Variants in NDUFAF6 observed in about 807,000 individuals in gnomAD.
NDUFAF6 encodes NADH dehydrogenase (ubiquinone) complex I, assembly factor 6.
A neutral mutation model predicts 40.8 loss-of-function variants in NDUFAF6; 45 were observed. The observed-to-expected ratio is 1.10, with a 90% CI of 0.87 to 1.42. The LOEUF (loss-of-function observed/expected upper bound fraction) is 1.42, where lower values mean the gene tolerates loss of function less well. Ranked by LOEUF, NDUFAF6 falls within the 40% of genes most tolerant of loss-of-function variation. NDUFAF6 has a pLI of 0.00. For synonymous variants in NDUFAF6, 185 were observed against 155.9 expected (o/e 1.19, Z -1.39); for missense variants, 435 against 418.5 (o/e 1.04, Z -0.34).
chr8:95,038,880 A>G (rs1829817621), intron 3 of NDUFAF6, among the ~76,000 whole-genome samples: 1 of 150,874 alleles, frequency 6.6e-6, no homozygotes, highest in South Asian at 2.1e-4. Flanking sequence ...GTTGTTGGCC[A>G]GGATGGTCTC....
chr8:95,010,101 T>A (rs1249487278), intron 2 of NDUFAF6, among the ~76,000 whole-genome samples: 1 of 152,170 alleles, frequency 6.6e-6, no homozygotes, highest in Non-Finnish European at 1.5e-5. Flanking sequence ...TTGTACTTTT[T>A]TTTTTGAGAT....
intron 2 of NDUFAF6, among the ~76,000 whole-genome samples, chr8:95,089,274 G>A (rs529552459): frequency 6.6e-6 from 1 of 151,908 alleles, no homozygotes; most frequent in Non-Finnish European, 1.5e-5. Context: ...TGCCCAGGCT[G>A]GTCTTGAACT....
chr8:94,908,136 C>T (rs1818512783), intron 1 of NDUFAF6, among the ~76,000 whole-genome samples: 1 of 152,174 alleles, frequency 6.6e-6, no homozygotes, highest in East Asian at 1.9e-4. Flanking sequence ...GCCTGTGTCT[C>T]CCATTAAAAG....
chr8:95,041,207 C>G (rs1386810042), intron 3 of NDUFAF6, among the ~76,000 whole-genome samples: 2 of 152,014 alleles, frequency 1.3e-5, no homozygotes, highest in Non-Finnish European at 2.9e-5. Context: ...TAGGGAGACC[C>G]TGTCTCTACA....
At chr8:95,066,470 C>A (rs1052739748) in intron 9 of NDUFAF6, among the ~76,000 whole-genome samples, 3 of 151,870 alleles carry the variant, frequency 2.0e-5, no homozygotes, top group Non-Finnish European at 4.4e-5. Flanking sequence ...CTCCTAAAAC[C>A]CTTTTATTAA....
intron 1 of NDUFAF6, among the ~76,000 whole-genome samples, chr8:95,030,825 G>A (rs1016116929): frequency 3.3e-5 from 5 of 152,202 alleles, no homozygotes; most frequent in African/African-American, 1.2e-4. Context: ...TGCAGGCTGT[G>A]CAAGAAGCAT....
At chr8:95,051,557 C>T (rs752051500) in intron 7 of NDUFAF6, among the ~76,000 whole-genome samples, 2 of 151,968 alleles carry the variant, frequency 1.3e-5, no homozygotes, top group Non-Finnish European at 2.9e-5. Flanking sequence ...GTGGGCTTGG[C>T]GAACACAGGA....
intron 1 of NDUFAF6, among the ~76,000 whole-genome samples, chr8:94,976,426 C>T (rs573488204): frequency 7.3e-5 from 11 of 149,812 alleles, no homozygotes; most frequent in African/African-American, 2.7e-4. Flanking sequence ...ATCACTTGAA[C>T]CAGGAGGTGG....
chr8:95,074,978 C>A (rs1460281398), intron 9 of NDUFAF6, among the ~76,000 whole-genome samples: 3 of 152,162 alleles, frequency 2.0e-5, no homozygotes, highest in Non-Finnish European at 4.4e-5. Context: ...GCCAGCAACC[C>A]CACCCCTCAA....
In NDUFAF6 at chr8:95,048,449, C is replaced by A. The variant is rs776112283; in HGVS notation, c.715-8C>A. 11 of 1,599,824 alleles carry A rather than the reference C, an allele frequency of 6.9e-6. No individual in the cohort carries two copies. The South Asian group carries it at 1.2e-4, about 18-fold the overall frequency. On this transcript the variant is annotated splice_polypyrimidine_tract_variant and splice_region_variant and intron_variant, in intron 6 of 8. Transcript: ENST00000396124. Reference sequence around the variant, plus strand: ...GGTTCCTAATATAATGTATATTTCCCCACACAGCATGGTGTTTCACAAGAG... The same window carrying A: ...GGTTCCTAATATAATGTATATTTCCACACACAGCATGGTGTTTCACAAGAG...
intron 1 of NDUFAF6, chr8:94,926,405 AAAAC>A (rs1006166455): frequency 3.6e-5 from 4 of 111,884 alleles, no homozygotes; most frequent in African/African-American, 1.4e-4. Flanking sequence ...TTGAGAAAAA[AAAAC>A]AAAGCCACTT....
Position 94,897,453 on chromosome 8 carries a change from A to G in NDUFAF6, c.-936+1526A>G, listed in dbSNP as rs1237890034. Among the ~76,000 whole-genome samples the G allele has an allele frequency of 5.3e-5, 8 of 152,162 alleles. No individual in the cohort carries two copies. In the East Asian group the frequency reaches 1.3e-3, roughly 26 times the overall value. ...AGAAAATAAAGGGTAGGGGGCGGGT[A>G]TGTTTGTTTTTAGCTTGCTCTTTTC... On this transcript the variant is annotated intron_variant, in intron 1 of 14. Coordinates refer to the NDUFAF6 transcript ENST00000396113.
chr8:95,056,506 C>T (rs746171940), intron 8 of NDUFAF6, among the ~76,000 whole-genome samples: 27 of 152,100 alleles, frequency 1.8e-4, no homozygotes, highest in East Asian at 1.9e-4. Context: ...AGCCACCACG[C>T]GTGGTCTCTG....
At chr8:94,955,135 G>T (rs1822965895), upstream of NDUFAF6, among the ~76,000 whole-genome samples, 2 of 152,224 alleles carry the variant, frequency 1.3e-5, no homozygotes, top group African/African-American at 2.4e-5. Context: ...AGGCAGAAAG[G>T]TGCCTGGCAC....
At chr8:94,995,427 C>G (rs570776916) in intron 2 of NDUFAF6, among the ~76,000 whole-genome samples, 10 of 152,180 alleles carry the variant, frequency 6.6e-5, no homozygotes, top group Admixed American at 5.2e-4. Context: ...CTGAATTATA[C>G]ACTTCAAAAT....
chr8:95,048,377 A>T, intron 6 of NDUFAF6, 80 bp from the exon 7 acceptor site: 1 of 944,856 alleles, frequency 1.1e-6, no homozygotes, highest in South Asian at 1.3e-5. Flanking sequence ...TTTAATTGTT[A>T]GTTTAATTTT....
intron 2 of NDUFAF6, among the ~76,000 whole-genome samples, chr8:95,007,069 C>T (rs1563785393): frequency 1.3e-5 from 2 of 151,450 alleles, no homozygotes; most frequent in Admixed American, 6.6e-5. Flanking sequence ...TCCTTATTTC[C>T]AGGTTTCTTA....
chr8:95,110,221 G>T (rs1432582712), intron 4 of NDUFAF6, among the ~76,000 whole-genome samples: 1 of 152,200 alleles, frequency 6.6e-6, no homozygotes, highest in African/African-American at 2.4e-5. Context: ...TAATTCTACA[G>T]CTGTGATCTC....
chr8:95,097,435 C>T (rs76750671), upstream of NDUFAF6, among the ~76,000 whole-genome samples: 10,579 of 152,320 alleles, frequency 0.069, 512 homozygotes, highest in East Asian at 0.13. Context: ...CAGCGGCTCA[C>T]GCCTGTAATC....
Sources: gnomAD v4.1 joint callset for allele counts (sites outside exome capture counted in the v4.1 genomes callset) on GRCh38, gnomAD v4.1.1 for gene constraint, MANE v1.5 for transcripts, NCBI Gene and HGNC (gene_info 2026-07-23, HGNC 2026-07-21) for gene names.